PLXND1: variants seen among roughly 807,000 people sequenced by gnomAD.
PLXND1 encodes plexin D1.
Under a neutral mutation model 197.7 loss-of-function variants are expected in PLXND1, and 54 were observed. The ratio of observed to expected loss-of-function variants is 0.27; its 90% CI spans 0.22 to 0.34. The LOEUF (loss-of-function observed/expected upper bound fraction) is 0.34. PLXND1 is among the 10% of genes least tolerant of loss of function. PLXND1 has a pLI of 1.00. For missense variants in PLXND1, 2,127 were observed against 2,699.2 expected, an observed-to-expected ratio of 0.79 and a Z score of 4.70; for synonymous variants, 1,180 against 1,161.2, an observed-to-expected ratio of 1.02 and a Z score of -0.33.
intron 1 of PLXND1, 71 bp from the exon 2 acceptor site, chr3:129,589,598 G>A: frequency 1.5e-6 from 2 of 1,314,804 alleles, no homozygotes; most frequent in Non-Finnish European, 2.1e-6. Flanking sequence ...ACAGCTGGCT[G>A]GGATCTCAGG....
chr3:129,589,310 T>TCCCAACCCCCCCCCCCCCCC, intron 2 of PLXND1, 41 bp downstream of exon 2: 1 of 501,294 alleles, frequency 2.0e-6, no homozygotes, highest in Non-Finnish European at 3.8e-6. Context: ...CAGGGGAGCC[T>TCCCAACCCCCCCCCCCCCCC]CCCACCCCCA....
intron 25 of PLXND1, 135 bp from the exon 26 acceptor site, chr3:129,563,375 C>G: frequency 1.5e-6 from 1 of 683,548 alleles, no homozygotes; most frequent in Non-Finnish European, 2.4e-6. Context: ...CAACACTCTC[C>G]TCTCCAGGGT....
In PLXND1 at chr3:129,578,337, A is replaced by T. The variant is rs1441704049; in HGVS notation, c.2338T>A (p.Phe780Ile). 5 of 1,599,074 alleles carry T rather than the reference A, an allele frequency of 3.1e-6. No individual in the cohort carries two copies. Among genetic ancestry groups the T allele is most frequent in the South Asian group, 1.1e-5 (1 of 88,330 alleles). ...GCCTGGCTTCTACTTACCTGGAAAAAGGCAGTGTTGGCCAGAGGCACCAGG... is the reference window on the plus strand; with the variant it reads ...GCCTGGCTTCTACTTACCTGGAAAATGGCAGTGTTGGCCAGAGGCACCAGG... ...NILVPLANTAFFQGAALECSF... is the reference protein window; with the variant it reads ...NILVPLANTAIFQGAALECSF... The change falls in exon 9 of 36, where the codon TTT becomes ATT. Residue 780 changes from phenylalanine (F) to isoleucine (I), a missense_variant. By Grantham distance (21) the Phe-to-Ile change is conservative (BLOSUM62 0). This residue lies in a region of PLXND1 where 1,095 missense variants were observed against 1,259.8 expected (regional missense o/e 0.87). Coordinates refer to ENST00000324093, the MANE Select transcript of PLXND1 (RefSeq NM_015103.3).
intron 12 of PLXND1, among the ~76,000 whole-genome samples, chr3:129,573,998 G>GAGGTCAGCTTCC (rs2085275105): frequency 6.6e-6 from 1 of 152,342 alleles, no homozygotes; most frequent in Non-Finnish European, 1.5e-5. Flanking sequence ...GGAGGATGCT[G>GAGGTCAGCTTCC]AGGTCAGCTT....
In PLXND1 at chr3:129,556,898, G is replaced by GC. The variant is rs1421142119; in HGVS notation, c.5586+184dup. ...CTCTCCATCCAGAGGGTGCTCTCCT[G>GC]CCCCCGCTCCTCAAACTCTGGGAAA... On this transcript the variant is annotated intron_variant, in intron 34 of 35. Coordinates refer to ENST00000324093, the MANE Select transcript of PLXND1 (RefSeq NM_015103.3). The GC allele has an allele frequency of 1.5e-5, 11 of 730,688 alleles. No individual in the cohort carries two copies. The Admixed American group carries it at 2.0e-4, about 14-fold the overall frequency. The allele number at this position is 730,688 out of a possible 1,614,324, so 45.3% of individuals were successfully genotyped here.
At chr3:129,587,207 G>C (rs1463057401) in intron 2 of PLXND1, among the ~76,000 whole-genome samples, 2 of 152,212 alleles carry the variant, frequency 1.3e-5, no homozygotes, top group Non-Finnish European at 1.5e-5. Flanking sequence ...TAGGCTGCAC[G>C]TCTCATTCCT....
At chr3:129,578,506 C>T in intron 8 of PLXND1, 73 bp from the exon 9 acceptor site, 1 of 898,520 alleles carries the variant, frequency 1.1e-6, no homozygotes, top group Non-Finnish European at 1.7e-6. Flanking sequence ...CACTGCACCC[C>T]AGCCTGCCTG....
At chr3:129,599,998 G>A (rs2085684229) in intron 1 of PLXND1, among the ~76,000 whole-genome samples, 1 of 152,234 alleles carries the variant, frequency 6.6e-6, no homozygotes, top group Admixed American at 6.5e-5. Context: ...GGGCAGCCAT[G>A]AGGTCAACCA....
At chr3:129,556,508 T>C (rs1225772438) in intron 35 of PLXND1, 80 bp from the exon 36 acceptor site, 2 of 1,356,120 alleles carry the variant, frequency 1.5e-6, no homozygotes, top group East Asian at 4.6e-5. Context: ...CCCCTGAACG[T>C]CTACCACGAG....
chr3:129,576,946 AC>A (rs540779998), intron 9 of PLXND1, among the ~76,000 whole-genome samples: 11 of 152,116 alleles, frequency 7.2e-5, no homozygotes, highest in Non-Finnish European at 1.6e-4. Context: ...TACGCCAAGC[AC>A]CCAGCCAGCT....
At chr3:129,573,482 T>C in intron 13 of PLXND1, 112 bp downstream of exon 13, 1 of 1,117,278 alleles carries the variant, frequency 9.0e-7, no homozygotes. Flanking sequence ...GAAGCAACAG[T>C]CTTCCAGAAA....
intron 25 of PLXND1, among the ~76,000 whole-genome samples, chr3:129,564,408 G>A (rs1008955815): frequency 6.6e-6 from 1 of 152,268 alleles, no homozygotes; most frequent in Non-Finnish European, 1.5e-5. Context: ...CACTTTGGGA[G>A]GCCAAAGCGG....
rs373891504 is a variant in PLXND1 at position 129,557,400 on chromosome 3, G to T, written c.5446-177C>A. Among the ~76,000 whole-genome samples, 78 of 152,294 alleles carry T rather than the reference G, an allele frequency of 5.1e-4. 1 individual carries two copies. The South Asian group carries it at 0.016, about 31-fold the overall frequency. ...GCACTCAGCCGGCCCCAGACCAGGGGCTCCTCACTGTGCTCTGTCTGCCCC... is the reference window on the plus strand; with the variant it reads ...GCACTCAGCCGGCCCCAGACCAGGGTCTCCTCACTGTGCTCTGTCTGCCCC... On this transcript the variant is annotated intron_variant, in intron 33 of 35. Coordinates refer to ENST00000324093, the MANE Select transcript of PLXND1 (RefSeq NM_015103.3). This position sits in a 1 kb window ranked among gnomAD's most constrained non-coding sequence, Gnocchi z 4.8.
Position 129,575,485 on chromosome 3 carries a change from G to T in PLXND1, c.2514C>A (p.Ser838Arg). The change falls in exon 11 of 36, where the codon AGC (serine) becomes AGA (arginine). Residue 838 changes from serine (S) to arginine (R), a missense_variant. By Grantham distance (110) the Ser-to-Arg change is moderately radical (BLOSUM62 -1). Around this residue, in one of 6 missense-constraint regions of PLXND1, gnomAD observed 1,095 missense variants for 1,259.8 expected, o/e 0.87. Coordinates refer to ENST00000324093, the MANE Select transcript of PLXND1 (RefSeq NM_015103.3). Reference protein sequence around the residue: ...LKGRPARFLDSPEPMTVMVYN... With the variant: ...LKGRPARFLDRPEPMTVMVYN... ...GGTGCCCACCTGTCATGGGCTCAGGGCTGTCCAGGAATCGGGCTGGCCGCC... is the reference window on the plus strand; with the variant it reads ...GGTGCCCACCTGTCATGGGCTCAGGTCTGTCCAGGAATCGGGCTGGCCGCC... 1.3e-6 allele frequency: 2 copies of T among 1,552,768 alleles called. No homozygotes were observed. The highest frequency in any genetic ancestry group is 1.2e-5 in the South Asian group (1 of 84,166).
chr3:129,556,214 T>A lies in PLXND1; in HGVS notation c.*98A>T, dbSNP rs2084970949. On this transcript the variant is annotated 3_prime_UTR_variant, in exon 36 of 36. Coordinates refer to ENST00000324093, the MANE Select transcript of PLXND1 (RefSeq NM_015103.3). ...CGCCCCAGCCGTCTCTGCTCAGTAT[T>A]TCCCAGTCTGAGTCACAGGCACGGG... 8 of 859,176 alleles carry A rather than the reference T, an allele frequency of 9.3e-6. No individual in the cohort carries two copies. Among genetic ancestry groups the A allele is most frequent in the African/African-American group, 1.6e-5 (1 of 60,706 alleles). The allele number at this position is 859,176 out of a possible 1,614,324, so 53.2% of individuals were successfully genotyped here.
intron 9 of PLXND1, among the ~76,000 whole-genome samples, chr3:129,576,525 T>C (rs1039163138): frequency 6.6e-6 from 1 of 152,182 alleles, no homozygotes; most frequent in Non-Finnish European, 1.5e-5. Context: ...GCATCACCCT[T>C]AGCCTCTTGC....
In PLXND1 at chr3:129,561,146, C is replaced by T. The variant is rs536276861; in HGVS notation, c.4994-423G>A. ...GGCAGGCGGGGGTGGGTGCCTTTGC[C>T]CACCCCACCCCTGAGCCCAGAGCTC... On this transcript the variant is annotated intron_variant, in intron 29 of 35. Coordinates refer to ENST00000324093, the MANE Select transcript of PLXND1 (RefSeq NM_015103.3). The T allele has an allele frequency of 7.5e-4, 352 of 467,154 alleles. 1 individual carries two copies. Among genetic ancestry groups the T allele is most frequent in the Middle Eastern group, 3.0e-3 (8 of 2,686 alleles). 28.9% of individuals were successfully genotyped at this position (467,154 alleles called of 1,614,324 possible).
Position 129,555,437 on chromosome 3 carries a change from C to A in PLXND1, c.*875G>T. 1 of 669,380 alleles carries A rather than the reference C, an allele frequency of 1.5e-6. No homozygotes were observed. The highest frequency in any genetic ancestry group is 1.6e-5 in the South Asian group (1 of 61,410). 41.5% of individuals were successfully genotyped at this position (669,380 alleles called of 1,614,324 possible). On this transcript the variant is annotated 3_prime_UTR_variant, in exon 36 of 36. Transcript: ENST00000324093. ...AGGTCTGCCCGCTCTCTGGAACAGT[C>A]ATTTCCAGTGTTGCATGGGGAGCCT...
At chr3:129,594,564 C>T (rs922237832) in intron 1 of PLXND1, among the ~76,000 whole-genome samples, 1 of 152,200 alleles carries the variant, frequency 6.6e-6, no homozygotes, top group Non-Finnish European at 1.5e-5. Flanking sequence ...CCCCCCAGCT[C>T]CTCCCAAAGC....
Sources: allele counts gnomAD v4.1 joint callset (sites outside exome capture counted in the v4.1 genomes callset), GRCh38; gene constraint gnomAD v4.1.1; regional missense constraint gnomAD v4.1.1; non-coding constraint Gnocchi (gnomAD v3.1); transcripts MANE v1.5; gene names NCBI Gene and HGNC (gene_info 2026-07-23, HGNC 2026-07-21).